Variants in BSN observed in about 807,000 individuals in gnomAD.
BSN encodes the protein bassoon presynaptic cytomatrix protein, also known as protein bassoon.
In BSN, 57 loss-of-function variants were observed where a neutral mutation model predicts 264.8. That is an observed-to-expected ratio of 0.22 (90% CI 0.17 to 0.27). The LOEUF is 0.27. Among genes scored for constraint, BSN ranks in the 10% least tolerant of loss-of-function variants. The pLI, the probability that BSN is intolerant of heterozygous loss-of-function variation, is 1.00. For synonymous variants in BSN, 2,059 were observed against 2,137.3 expected (o/e 0.96, Z 1.01); for missense variants, 4,615 against 5,232.5 (o/e 0.88, Z 3.64).
chr3:49,622,187 T>C (rs1277098079), intron 1 of BSN, among the ~76,000 whole-genome samples: 3 of 152,050 alleles, frequency 2.0e-5, no homozygotes, highest in African/African-American at 4.8e-5. Flanking sequence ...GGGTCCCACT[T>C]TTTTTGTGAG....
In BSN at chr3:49,663,037, G is replaced by A; in HGVS notation, c.10879G>A (p.Gly3627Ser). The change falls in exon 7 of 12, where the codon GGC becomes AGC. Residue 3627 changes from glycine (G) to serine (S), a missense_variant. This residue lies in a region of BSN where 3,415 missense variants were observed against 3,866.4 expected (regional missense o/e 0.88). Transcript: ENST00000296452. ...TGACTACGATGAACCCCCTGAGGAG[G>A]GCCTGTGGCCTCATGATGAGGGTGG... Reference protein sequence around the residue: ...YHDYDEPPEEGLWPHDEGGPG... With the variant: ...YHDYDEPPEESLWPHDEGGPG... 1 of 1,613,680 alleles carries A rather than the reference G, an allele frequency of 6.2e-7. No individual in the cohort carries two copies.
At chr3:49,586,593 A>G (rs1186905246) in intron 1 of BSN, among the ~76,000 whole-genome samples, 1 of 152,174 alleles carries the variant, frequency 6.6e-6, no homozygotes, top group Non-Finnish European at 1.5e-5. Context: ...CGTCCATCTC[A>G]GCTTCCCAGA....
chr3:49,660,053 C>T lies in BSN; in HGVS notation c.8641-433C>T, dbSNP rs1455573753. On this transcript the variant is annotated intron_variant, in intron 5 of 11. Transcript: ENST00000296452. This position sits in a 1 kb window ranked among gnomAD's most constrained non-coding sequence, Gnocchi z 7.1. ...GCCCAGGACCCTCTCCACTCCATGC[C>T]TCCTGTTCATACTCCACTGATCTCA... 6.6e-6 allele frequency among the ~76,000 whole-genome samples: 1 copy of T among 152,148 alleles called. No homozygotes were observed. The highest frequency in any genetic ancestry group is 1.5e-5 in the Non-Finnish European group (1 of 68,018).
intron 1 of BSN, among the ~76,000 whole-genome samples, chr3:49,588,083 G>T (rs1215175192): frequency 6.6e-6 from 1 of 151,664 alleles, no homozygotes; most frequent in African/African-American, 2.4e-5. Flanking sequence ...TACCACGCCC[G>T]GCTAATTTTT....
chr3:49,633,619 T>C (rs746822128), intron 2 of BSN, among the ~76,000 whole-genome samples: 2 of 152,190 alleles, frequency 1.3e-5, no homozygotes, highest in Non-Finnish European at 2.9e-5. Flanking sequence ...TGAAGAGATA[T>C]TTGTACACCC....
intron 2 of BSN, among the ~76,000 whole-genome samples, chr3:49,631,625 T>C (rs2052384800): frequency 1.3e-5 from 2 of 151,338 alleles, no homozygotes; most frequent in Admixed American, 1.3e-4. Context: ...AATGTCAGAA[T>C]TGCTGGATGG....
chr3:49,604,503 G>A (rs1345146983), intron 1 of BSN, among the ~76,000 whole-genome samples: 1 of 152,054 alleles, frequency 6.6e-6, no homozygotes, highest in Non-Finnish European at 1.5e-5. Flanking sequence ...TTCACTTATC[G>A]TTTCTTGAAG....
At position 49,565,072 on chromosome 3, in the gene BSN, A is replaced by G. The variant is rs1316489107; in HGVS notation, c.224+10246A>G. Among the ~76,000 whole-genome samples the G allele has an allele frequency of 6.0e-5, 9 of 150,840 alleles. No individual in the cohort carries two copies. The East Asian group carries it at 1.5e-3, about 26-fold the overall frequency. On this transcript the variant is annotated intron_variant, in intron 1 of 11. Transcript: ENST00000296452. ...CCTGCAAACCTACCACGTAGCTTCAACAATGATTAGCATTTTGCCAACTTG... is the reference window on the plus strand; with the variant it reads ...CCTGCAAACCTACCACGTAGCTTCAGCAATGATTAGCATTTTGCCAACTTG...
At chr3:49,643,918 G>T (rs555701251) in intron 3 of BSN, among the ~76,000 whole-genome samples, 19 of 152,344 alleles carry the variant, frequency 1.2e-4, no homozygotes, top group Admixed American at 3.3e-4. Context: ...AGGAGGCCCA[G>T]TGTAAGGTTC....
chr3:49,607,139 C>G (rs1167080730), intron 1 of BSN, among the ~76,000 whole-genome samples: 3 of 152,148 alleles, frequency 2.0e-5, no homozygotes, highest in Admixed American at 6.5e-5. Context: ...CCATACAGTT[C>G]TACCATTATC....
intron 1 of BSN, among the ~76,000 whole-genome samples, chr3:49,621,829 T>C: frequency 6.6e-6 from 1 of 152,198 alleles, no homozygotes; most frequent in East Asian, 1.9e-4. Context: ...GAGATCCTCC[T>C]GCCTCAGTCT....
At chr3:49,632,028 T>C (rs2052387142) in intron 2 of BSN, among the ~76,000 whole-genome samples, 1 of 152,168 alleles carries the variant, frequency 6.6e-6, no homozygotes, top group Non-Finnish European at 1.5e-5. Flanking sequence ...CCCTCACATA[T>C]ACGGTCAGAT....
chr3:49,568,355 T>A (rs2051770248), intron 1 of BSN, among the ~76,000 whole-genome samples: 1 of 152,216 alleles, frequency 6.6e-6, no homozygotes, highest in African/African-American at 2.4e-5. Context: ...ATTTAATTTT[T>A]AAAAATTATA....
At chr3:49,641,255 T>G (rs2052460266) in intron 2 of BSN, among the ~76,000 whole-genome samples, 1 of 152,268 alleles carries the variant, frequency 6.6e-6, no homozygotes, top group Non-Finnish European at 1.5e-5. Flanking sequence ...CTTTCTCCTT[T>G]CGTTGACTCC....
At chr3:49,610,821 G>T (rs1309580422) in intron 1 of BSN, among the ~76,000 whole-genome samples, 1 of 152,154 alleles carries the variant, frequency 6.6e-6, no homozygotes, top group Non-Finnish European at 1.5e-5. Context: ...TGTTTCTGGG[G>T]CCAGTCCAGT....
chr3:49,570,086 G>A (rs1015133701), intron 1 of BSN, among the ~76,000 whole-genome samples: 1 of 152,186 alleles, frequency 6.6e-6, no homozygotes, highest in African/African-American at 2.4e-5. Context: ...AAGCTGGCTC[G>A]GAAGCCAACA....
At chr3:49,605,046 G>C (rs1360361165) in intron 1 of BSN, among the ~76,000 whole-genome samples, 1 of 151,018 alleles carries the variant, frequency 6.6e-6, no homozygotes, top group Non-Finnish European at 1.5e-5. Flanking sequence ...GATCACCTGA[G>C]GTCAGGAGTT....
In BSN at chr3:49,625,424, C is replaced by G. The variant is rs984646016; in HGVS notation, c.633+41C>G. 8 of 1,422,346 alleles carry G rather than the reference C, an allele frequency of 5.6e-6. No homozygotes were observed. The highest frequency in any genetic ancestry group is 7.3e-6 in the Non-Finnish European group (8 of 1,089,012). 88.1% of individuals were successfully genotyped at this position (1,422,346 alleles called of 1,614,324 possible). On this transcript the variant is annotated intron_variant, in intron 2 of 11. Transcript: ENST00000296452. The surrounding 1 kb of genome is among the most constrained non-coding windows in gnomAD (Gnocchi z 4.4). ...CCGGCTCCCCACTCACCTGCTACCTCATTACCATACCTCCCCTGGTTCCCT... is the reference window on the plus strand; with the variant it reads ...CCGGCTCCCCACTCACCTGCTACCTGATTACCATACCTCCCCTGGTTCCCT...
chr3:49,569,683 G>T (rs1001778794), intron 1 of BSN, among the ~76,000 whole-genome samples: 4 of 152,176 alleles, frequency 2.6e-5, no homozygotes, highest in African/African-American at 9.7e-5. Flanking sequence ...GCTCAGACTG[G>T]GCAGTTCACT....
Sources: gnomAD v4.1 joint callset for allele counts (sites outside exome capture counted in the v4.1 genomes callset) on GRCh38, gnomAD v4.1.1 for gene constraint, gnomAD v4.1.1 regional missense constraint, Gnocchi (gnomAD v3.1) non-coding constraint, MANE v1.5 for transcripts, NCBI Gene and HGNC (gene_info 2026-07-23, HGNC 2026-07-21) for gene names.